The following KLHDC4 variants were observed in gnomAD, a reference collection of about 807,000 sequenced individuals.
KLHDC4 encodes the protein kelch domain-containing protein 4.
Under a neutral mutation model 62.4 loss-of-function variants are expected in KLHDC4, and 90 were observed. The observed-to-expected ratio is 1.44, with a 90% CI of 1.22 to 1.72. The LOEUF is 1.72. Among genes scored for constraint, KLHDC4 ranks in the 40% most tolerant of loss-of-function variants. KLHDC4 has a pLI of 0.00. For missense variants in KLHDC4, 1,025 were observed against 699.7 expected, an observed-to-expected ratio of 1.47 and a Z score of -5.25; for synonymous variants, 386 against 284.4, an observed-to-expected ratio of 1.36 and a Z score of -3.59.
chr16:87,701,486 G>C (rs1225170780), exon 1 of KLHDC4: 3 of 355,242 alleles, frequency 8.4e-6, no homozygotes, highest in Middle Eastern at 5.9e-4. Context: ...ATGCCAGCTT[G>C]TTCCCAAGCC....
At chr16:87,737,771 T>G (rs2041589520) in intron 5 of KLHDC4, among the ~76,000 whole-genome samples, 1 of 151,950 alleles carries the variant, frequency 6.6e-6, no homozygotes, top group Non-Finnish European at 1.5e-5. Context: ...TCTGTATTTC[T>G]GTAGAGATGG....
chr16:87,748,458 C>G (rs2043378280), intron 5 of KLHDC4, among the ~76,000 whole-genome samples: 5 of 152,168 alleles, frequency 3.3e-5, no homozygotes, highest in Admixed American at 2.6e-4. Flanking sequence ...GAGAACAACA[C>G]CAGGCAGCTG....
At chr16:87,707,014 C>T (rs374744192), downstream of KLHDC4, among the ~76,000 whole-genome samples, 78 of 152,314 alleles carry the variant, frequency 5.1e-4, 1 homozygote, top group South Asian at 7.7e-3. Flanking sequence ...AGAAATGGGA[C>T]CATAGTGAAT....
chr16:87,709,560 C>T lies in KLHDC4; in HGVS notation c.1152G>A (p.Leu384=), dbSNP rs1477765940. 1.9e-6 allele frequency: 3 copies of T among 1,612,928 alleles called. No homozygotes were observed. The highest frequency in any genetic ancestry group is 4.5e-5 in the East Asian group (2 of 44,902). ...GGAGTQGPVQ[L]VKEVVAEDGT... ...CATCCTCGGCCACCACCTCCTTGAC[C>T]AGCTGCACAGGCCCCTGGGTGCCAG... Residue 384 remains leucine, a synonymous_variant, in exon 10 of 12, where the codon CTG becomes CTA. Transcript: ENST00000270583.
chr16:87,732,097 CT>C (rs61370494), intron 5 of KLHDC4, among the ~76,000 whole-genome samples: 9,736 of 132,148 alleles, frequency 0.074, 376 homozygotes, highest in Non-Finnish European at 0.1. Flanking sequence ...GTGCATATTT[CT>C]TTTTTTTTTT....
At chr16:87,740,368 T>C (rs2042057087) in intron 5 of KLHDC4, among the ~76,000 whole-genome samples, 1 of 151,908 alleles carries the variant, frequency 6.6e-6, no homozygotes, top group Admixed American at 6.6e-5. Flanking sequence ...CAACGGGAGA[T>C]TGACAAGTTG....
At chr16:87,765,047 C>T (rs1167119615) in intron 1 of KLHDC4, 1 of 446,660 alleles carries the variant, frequency 2.2e-6, no homozygotes, top group Admixed American at 2.4e-5. Context: ...AATGGGAATA[C>T]CAGTGCTACG....
intron 1 of KLHDC4, among the ~76,000 whole-genome samples, chr16:87,764,505 T>C (rs561050641): frequency 2.4e-4 from 37 of 151,668 alleles, no homozygotes; most frequent in African/African-American, 8.7e-4. Context: ...CAAAATTAGC[T>C]GGGTGTGGTG....
At chr16:87,731,616 C>T (rs562273147) in intron 5 of KLHDC4, among the ~76,000 whole-genome samples, 3 of 151,652 alleles carry the variant, frequency 2.0e-5, no homozygotes, top group Non-Finnish European at 4.4e-5. Flanking sequence ...GGACATGGGG[C>T]TGCTGGAGCC....
intron 5 of KLHDC4, among the ~76,000 whole-genome samples, chr16:87,735,042 C>A (rs1377525868): frequency 7.1e-6 from 1 of 139,894 alleles, no homozygotes; most frequent in Non-Finnish European, 1.5e-5. Context: ...CCCCTCCCCC[C>A]CAGACGAATT....
intron 2 of KLHDC4, among the ~76,000 whole-genome samples, chr16:87,761,355 C>A (rs369634699): frequency 6.6e-6 from 1 of 152,194 alleles, no homozygotes; most frequent in Non-Finnish European, 1.5e-5. Context: ...GGCTGAACCC[C>A]GGCTTCCACT....
intron 1 of KLHDC4, 53 bp downstream of exon 1, chr16:87,765,739 C>T: frequency 6.6e-7 from 1 of 1,510,140 alleles, no homozygotes; most frequent in Non-Finnish European, 8.9e-7. Context: ...GGGAGTCGGC[C>T]GAGGCTGCAC....
chr16:87,756,721 CAAA>C (rs35385743), intron 2 of KLHDC4, among the ~76,000 whole-genome samples: 12 of 98,796 alleles, frequency 1.2e-4, no homozygotes, highest in African/African-American at 1.8e-4. Context: ...GTTGTATTAA[CAAA>C]AAAAAAAAAA....
At chr16:87,702,208 C>G (rs781676813) in exon 1 of KLHDC4, 3 of 456,242 alleles carry the variant, frequency 6.6e-6, no homozygotes, top group Non-Finnish European at 1.3e-5. Context: ...GGCTGCCTCC[C>G]CTGACCATGA....
chr16:87,765,470 C>A, intron 1 of KLHDC4: 1 of 504,124 alleles, frequency 2.0e-6, no homozygotes, highest in Non-Finnish European at 3.8e-6. Context: ...CACCACCCAG[C>A]CTCCCTTCAG....
At chr16:87,756,527 C>T in intron 2 of KLHDC4, 50 bp from the exon 3 acceptor site, 1 of 1,340,542 alleles carries the variant, frequency 7.5e-7, no homozygotes, top group Non-Finnish European at 1.1e-6. Context: ...CGATACCCAC[C>T]TGAGCGCTGT....
chr16:87,748,445 C>G (rs915067488), intron 5 of KLHDC4, among the ~76,000 whole-genome samples: 1 of 152,190 alleles, frequency 6.6e-6, no homozygotes, highest in South Asian at 2.1e-4. Context: ...CAAGAGGAAC[C>G]TGGAGAACAA....
Position 87,709,287 on chromosome 16 carries a change from C to T in KLHDC4, c.1425G>A (p.Lys475=). The change falls in exon 10 of 12, where the codon AAG becomes AAA. Residue 475 remains lysine (K), a synonymous_variant. Coordinates refer to ENST00000270583, the MANE Select transcript of KLHDC4 (RefSeq NM_017566.4). Reference sequence around the variant, plus strand: ...CACCTGGGTCCATCTCCACCAAGGCCTTCCACGCCTCCATCCTGTGCAGGT... The same window carrying T: ...CACCTGGGTCCATCTCCACCAAGGCTTTCCACGCCTCCATCCTGTGCAGGT... The part of the protein sequence containing the change: ...CLDLHRMEAW[K]ALVEMDPETQ... 6.2e-7 allele frequency: 1 copy of T among 1,612,058 alleles called. No individual in the cohort carries two copies. Among genetic ancestry groups the T allele is most frequent in the Non-Finnish European group, 8.5e-7 (1 of 1,179,522 alleles).
intron 5 of KLHDC4, among the ~76,000 whole-genome samples, chr16:87,738,264 T>C (rs1310184031): frequency 6.6e-6 from 1 of 152,128 alleles, no homozygotes; most frequent in Non-Finnish European, 1.5e-5. Context: ...GGAAACTGAC[T>C]TTCACTCAGA....
Sources: allele counts gnomAD v4.1 joint callset (sites outside exome capture counted in the v4.1 genomes callset), GRCh38; gene constraint gnomAD v4.1.1; transcripts MANE v1.5; gene names NCBI Gene and HGNC (gene_info 2026-07-23, HGNC 2026-07-21).